LAMA2: variants seen among roughly 807,000 people sequenced by gnomAD.
The protein encoded by LAMA2 is laminin subunit alpha 2, also known as laminin subunit alpha-2.
In LAMA2, 269 loss-of-function variants were observed where a neutral mutation model predicts 364.8. That is an observed-to-expected ratio of 0.74 (90% confidence interval 0.67 to 0.82). The LOEUF (loss-of-function observed/expected upper bound fraction) is 0.82. Ranked by LOEUF, LAMA2 falls within the 40% of genes least tolerant of loss-of-function variation. The probability of loss-of-function intolerance (pLI) is 0.00; values close to 1 mark genes in which losing one functional copy is unlikely to be tolerated. For synonymous variants in LAMA2, 1,379 were observed against 1,370.6 expected (o/e 1.01, Z -0.14); for missense variants, 3,807 against 3,873.2 (o/e 0.98, Z 0.45).
At chr6:129,136,344 G>T (rs1777790534) in intron 4 of LAMA2, among the ~76,000 whole-genome samples, 1 of 152,062 alleles carries the variant, frequency 6.6e-6, no homozygotes, top group Non-Finnish European at 1.5e-5. Context: ...GATAAAATTG[G>T]AACTCCTAAA....
At chr6:129,291,101 G>A (rs1789664856) in intron 19 of LAMA2, among the ~76,000 whole-genome samples, 1 of 152,126 alleles carries the variant, frequency 6.6e-6, no homozygotes, top group Admixed American at 6.5e-5. Context: ...TGCCAGGGGT[G>A]CTATTAATTT....
At chr6:129,090,335 T>C in intron 3 of LAMA2, among the ~76,000 whole-genome samples, 1 of 152,186 alleles carries the variant, frequency 6.6e-6, no homozygotes, top group East Asian at 1.9e-4. Flanking sequence ...TACTTCATTA[T>C]GTATCTCTGA....
intron 1 of LAMA2, among the ~76,000 whole-genome samples, chr6:128,989,462 T>G (rs1470927982): frequency 1.3e-5 from 2 of 152,236 alleles, no homozygotes; most frequent in African/African-American, 4.8e-5. Context: ...ATTCAAATTC[T>G]TGATGTACAT....
chr6:129,342,203 T>A (rs1776303659), intron 29 of LAMA2, 140 bp from the exon 30 acceptor site: 7 of 703,420 alleles, frequency 1.0e-5, no homozygotes, highest in African/African-American at 1.8e-5. Flanking sequence ...CTGTCAGTGA[T>A]AAAGTGTGTG....
At chr6:129,187,286 A>G (rs958200614) in intron 10 of LAMA2, among the ~76,000 whole-genome samples, 2 of 151,796 alleles carry the variant, frequency 1.3e-5, no homozygotes, top group African/African-American at 4.8e-5. Context: ...AAGATCATAT[A>G]TATTAACAAG....
At chr6:129,044,142 G>GATAT (rs1787299811) in intron 1 of LAMA2, among the ~76,000 whole-genome samples, 1 of 151,342 alleles carries the variant, frequency 6.6e-6, no homozygotes, top group African/African-American at 2.4e-5. Context: ...CCTGTTCTTA[G>GATAT]GTGCACTCCA....
At position 129,077,394 on chromosome 6, in the gene LAMA2, GATTT is replaced by G. The variant is rs1298733096; in HGVS notation, c.396+17504_396+17507del. Among the ~76,000 whole-genome samples, 34 of 152,220 alleles carry G rather than the reference GATTT, an allele frequency of 2.2e-4. 1 individual carries two copies. Among genetic ancestry groups the G allele is most frequent in the Admixed American group, 2.0e-3 (30 of 15,296 alleles). On this transcript the variant is annotated intron_variant, in intron 3 of 64. Coordinates refer to ENST00000421865, the MANE Select transcript of LAMA2 (RefSeq NM_000426.4). ...AGAAAATTAAACTAGTGACAAAATA[GATTT>G]ATTTAACTTATAAGCTAATTCATAA... is the stretch of plus-strand genomic sequence containing the variant.
At chr6:129,494,786 T>A (rs1318950306) in intron 58 of LAMA2, among the ~76,000 whole-genome samples, 1 of 152,174 alleles carries the variant, frequency 6.6e-6, no homozygotes, top group Non-Finnish European at 1.5e-5. Flanking sequence ...AGCCACAGGT[T>A]AGATCTTTGC....
At chr6:129,361,809 G>T (rs1777478313) in intron 32 of LAMA2, among the ~76,000 whole-genome samples, 1 of 139,932 alleles carries the variant, frequency 7.1e-6, no homozygotes, top group Non-Finnish European at 1.5e-5. Context: ...TTTTGAGATG[G>T]AGTCTCACTC....
chr6:129,417,529 C>T (rs1232830811), intron 40 of LAMA2, among the ~76,000 whole-genome samples: 1 of 152,098 alleles, frequency 6.6e-6, no homozygotes, highest in Non-Finnish European at 1.5e-5. Flanking sequence ...GTTTGTGGAA[C>T]CGACAGTCCA....
chr6:129,369,948 T>C lies in LAMA2; in HGVS notation c.4917T>C (p.Asn1639=). The C allele has an allele frequency of 6.2e-7, 1 of 1,614,082 alleles. No individual in the cohort carries two copies. Among genetic ancestry groups the C allele is most frequent in the Non-Finnish European group, 8.5e-7 (1 of 1,179,982 alleles). ...GGCTTATTCAGCTGGCAGAGGGCAA[T>C]CTGAATACACTCGTGACCGAAATGA... is the stretch of plus-strand genomic sequence containing the variant. ...PERLIQLAEG[N]LNTLVTEMNE... The change falls in exon 34 of 65, where the codon AAT becomes AAC. Residue 1639 remains asparagine (N), a synonymous_variant. Transcript: ENST00000421865.
intron 1 of LAMA2, among the ~76,000 whole-genome samples, chr6:128,892,979 C>T (rs1180727559): frequency 6.6e-6 from 1 of 151,892 alleles, no homozygotes; most frequent in Non-Finnish European, 1.5e-5. Flanking sequence ...CAAAACACTT[C>T]TTAAAGGCCC....
At chr6:129,401,364 A>T (rs775135005) in intron 38 of LAMA2, 24 bp downstream of exon 38, 2 of 1,369,022 alleles carry the variant, frequency 1.5e-6, no homozygotes, top group East Asian at 4.6e-5. Context: ...AAAACTCAAA[A>T]GAGAGATGAT....
chr6:129,228,400 G>A (rs265335), intron 12 of LAMA2, among the ~76,000 whole-genome samples: 142,600 of 152,180 alleles, frequency 0.94, 67,051 homozygotes, highest in Non-Finnish European at 0.97. Flanking sequence ...AAATGTGGAA[G>A]TCACCCATAT....
In LAMA2 at chr6:129,481,351, T is replaced by C; in HGVS notation, c.7661T>C (p.Phe2554Ser). The C allele has an allele frequency of 6.2e-7, 1 of 1,613,896 alleles. No homozygotes were observed. The highest frequency in any genetic ancestry group is 8.5e-7 in the Non-Finnish European group (1 of 1,179,868). Residue 2554 changes from phenylalanine (F) to serine (S), a missense_variant, in exon 55 of 65, where the codon TTC (phenylalanine) becomes TCC (serine). Around this residue, in one of 3 missense-constraint regions of LAMA2, gnomAD observed 3,333 missense variants for 3,345.7 expected, o/e 1.00. Transcript: ENST00000421865. ...GTAGGAACAGAAATCAACCTGTCAT[T>C]CAGCACCAAGAATGAGTCCGGCATC... is the stretch of plus-strand genomic sequence containing the variant. The part of the protein sequence containing the change: ...IDVGTEINLS[F>S]STKNESGIIL...
At chr6:129,196,690 T>A (rs1781872222) in intron 12 of LAMA2, among the ~76,000 whole-genome samples, 1 of 152,180 alleles carries the variant, frequency 6.6e-6, no homozygotes, top group African/African-American at 2.4e-5. Context: ...ATTAAATGGG[T>A]TAGTTAAGAA....
intron 40 of LAMA2, among the ~76,000 whole-genome samples, chr6:129,407,811 A>G (rs1353339243): frequency 2.0e-5 from 3 of 152,176 alleles, no homozygotes; most frequent in Non-Finnish European, 4.4e-5. Context: ...GACCTTAAAC[A>G]CAGAGGATGG....
intron 4 of LAMA2, among the ~76,000 whole-genome samples, chr6:129,103,197 A>G (rs1037675716): frequency 6.6e-6 from 1 of 152,184 alleles, no homozygotes; most frequent in Non-Finnish European, 1.5e-5. Context: ...ATGTTTTTGT[A>G]TATTTATCCA....
At chr6:129,206,960 A>G (rs1204298844) in intron 12 of LAMA2, among the ~76,000 whole-genome samples, 2 of 152,234 alleles carry the variant, frequency 1.3e-5, no homozygotes, top group Non-Finnish European at 2.9e-5. Flanking sequence ...GTTGTGACCT[A>G]TCAATGGTAA....
Sources: gnomAD v4.1 joint callset for allele counts (sites outside exome capture counted in the v4.1 genomes callset) on GRCh38, gnomAD v4.1.1 for gene constraint, gnomAD v4.1.1 regional missense constraint, MANE v1.5 for transcripts, NCBI Gene and HGNC (gene_info 2026-07-23, HGNC 2026-07-21) for gene names.